ROBO2: variants seen among roughly 807,000 people sequenced by gnomAD.
The protein encoded by ROBO2 is roundabout homolog 2.
Under a neutral mutation model 160.8 loss-of-function variants are expected in ROBO2, and 53 were observed. The observed-to-expected ratio is 0.33, with a 90% CI of 0.26 to 0.41. The LOEUF is 0.41. Among genes scored for constraint, ROBO2 ranks in the 10% least tolerant of loss-of-function variants. ROBO2 has a pLI of 1.00. For synonymous variants in ROBO2, 664 were observed against 611.7 expected, an observed-to-expected ratio of 1.09 and a Z score of -1.26; for missense variants, 1,577 against 1,722.4, an observed-to-expected ratio of 0.92 and a Z score of 1.49.
intron 2 of ROBO2, among the ~76,000 whole-genome samples, chr3:77,292,349 A>G (rs1416690078): frequency 6.6e-6 from 1 of 151,994 alleles, no homozygotes; most frequent in Non-Finnish European, 1.5e-5. Flanking sequence ...GACATAAAGT[A>G]AAATTGACGG....
intron 22 of ROBO2, chr3:77,618,068 A>C: frequency 2.4e-6 from 1 of 415,364 alleles, no homozygotes; most frequent in Non-Finnish European, 4.4e-6. Flanking sequence ...TTTCAGGCTA[A>C]AGTGCTCTTG....
intron 2 of ROBO2, among the ~76,000 whole-genome samples, chr3:76,011,932 G>A (rs1474964163): frequency 1.3e-5 from 2 of 152,130 alleles, no homozygotes; most frequent in Non-Finnish European, 2.9e-5. Flanking sequence ...GTATAGCCCA[G>A]TGACTCGATG....
At chr3:77,441,385 A>G (rs1364562260) in intron 2 of ROBO2, among the ~76,000 whole-genome samples, 1 of 151,970 alleles carries the variant, frequency 6.6e-6, no homozygotes, top group Non-Finnish European at 1.5e-5. Flanking sequence ...GTATATCTAT[A>G]CACACACATA....
intron 23 of ROBO2, chr3:77,632,507 A>C: frequency 2.6e-6 from 4 of 1,535,462 alleles, no homozygotes; most frequent in Non-Finnish European, 3.5e-6. Flanking sequence ...TCTGCATCTG[A>C]TGAGGATCGT....
intron 2 of ROBO2, among the ~76,000 whole-genome samples, chr3:76,386,127 A>G (rs2076868989): frequency 6.6e-6 from 1 of 152,196 alleles, no homozygotes; most frequent in Non-Finnish European, 1.5e-5. Context: ...TTAAATATAA[A>G]TTCATTTGAT....
chr3:76,332,479 A>G (rs1015878294), intron 2 of ROBO2, among the ~76,000 whole-genome samples: 1 of 152,226 alleles, frequency 6.6e-6, no homozygotes, highest in African/African-American at 2.4e-5. Context: ...TGTGTTTTCC[A>G]TCTTACAGTT....
intron 2 of ROBO2, among the ~76,000 whole-genome samples, chr3:77,375,622 C>T (rs528489052): frequency 1.3e-4 from 20 of 152,078 alleles, no homozygotes; most frequent in Non-Finnish European, 1.9e-4. Flanking sequence ...TAGAAACATA[C>T]TAGGGTTCAA....
intron 2 of ROBO2, among the ~76,000 whole-genome samples, chr3:76,295,322 A>G (rs1709012267): frequency 6.6e-6 from 1 of 152,144 alleles, no homozygotes; most frequent in African/African-American, 2.4e-5. Flanking sequence ...GTTCTAAAAG[A>G]GCCACCAGGA....
chr3:76,193,919 T>C (rs1485291131), intron 2 of ROBO2, among the ~76,000 whole-genome samples: 3 of 152,158 alleles, frequency 2.0e-5, no homozygotes, highest in African/African-American at 7.2e-5. Flanking sequence ...TCACTATTTT[T>C]TATCACAATC....
chr3:77,214,939 C>T (rs560712638), intron 2 of ROBO2, among the ~76,000 whole-genome samples: 83 of 151,270 alleles, frequency 5.5e-4, no homozygotes, highest in Middle Eastern at 3.4e-3. Flanking sequence ...GAGTGTCTGC[C>T]GAGAGATCAG....
intron 2 of ROBO2, among the ~76,000 whole-genome samples, chr3:76,050,748 A>G (rs577606795): frequency 1.3e-5 from 2 of 152,264 alleles, no homozygotes; most frequent in East Asian, 3.9e-4. Flanking sequence ...CTTTGCCTTT[A>G]TAAATGCCTT....
chr3:76,692,212 G>A (rs155468), intron 2 of ROBO2, among the ~76,000 whole-genome samples: 2 of 151,922 alleles, frequency 1.3e-5, no homozygotes, highest in African/African-American at 2.4e-5. Context: ...AGGTGCTTGA[G>A]GTCACTCAGA....
chr3:76,472,143 A>G (rs2078699734), intron 2 of ROBO2, among the ~76,000 whole-genome samples: 1 of 151,962 alleles, frequency 6.6e-6, no homozygotes, highest in Non-Finnish European at 1.5e-5. Flanking sequence ...CCATAAACCT[A>G]TAGCCACATT....
intron 2 of ROBO2, among the ~76,000 whole-genome samples, chr3:76,156,173 A>G (rs1390955924): frequency 6.6e-6 from 1 of 152,056 alleles, no homozygotes; most frequent in Non-Finnish European, 1.5e-5. Context: ...TAAGTGCTGT[A>G]TTACATATTA....
At chr3:77,259,447 T>C (rs1017180622) in intron 2 of ROBO2, among the ~76,000 whole-genome samples, 6 of 152,204 alleles carry the variant, frequency 3.9e-5, no homozygotes, top group African/African-American at 1.4e-4. Flanking sequence ...ATAAAAATAT[T>C]ATGTATTTTA....
At chr3:76,633,403 T>G (rs1215877829) in intron 2 of ROBO2, among the ~76,000 whole-genome samples, 1 of 152,158 alleles carries the variant, frequency 6.6e-6, no homozygotes, top group Non-Finnish European at 1.5e-5. Flanking sequence ...ACTTTTATTT[T>G]GGGGTAAAAT....
chr3:75,957,255 A>ACG (rs1372865555), intron 2 of ROBO2, among the ~76,000 whole-genome samples: 1 of 150,458 alleles, frequency 6.6e-6, no homozygotes. Flanking sequence ...CAAAACACAC[A>ACG]CACACACACA....
intron 2 of ROBO2, among the ~76,000 whole-genome samples, chr3:77,163,761 C>T (rs2078699195): frequency 6.6e-6 from 1 of 152,104 alleles, no homozygotes; most frequent in South Asian, 2.1e-4. Context: ...AAGAAAAGTG[C>T]ACTGAATACT....
chr3:77,627,301 ATGT>A (rs369285035), intron 23 of ROBO2, among the ~76,000 whole-genome samples: 2 of 151,078 alleles, frequency 1.3e-5, no homozygotes, highest in Admixed American at 6.6e-5. Context: ...TTTTTCTGAG[ATGT>A]TGTCTCGCTC....
Sources: gnomAD v4.1 joint callset for allele counts (sites outside exome capture counted in the v4.1 genomes callset) on GRCh38, gnomAD v4.1.1 for gene constraint, MANE v1.5 for transcripts, NCBI Gene and HGNC (gene_info 2026-07-23, HGNC 2026-07-21) for gene names.